MYO3A: variants seen among roughly 807,000 people sequenced by gnomAD.
MYO3A encodes myosin-IIIa.
MYO3A carries 180 observed loss-of-function variants against 192.7 expected under a neutral mutation model. That is an observed-to-expected ratio of 0.93 (90% CI 0.83 to 1.06). The LOEUF (loss-of-function observed/expected upper bound fraction) is 1.06, where lower values mean the gene tolerates loss of function less well. Ranked by LOEUF, MYO3A falls within the 50% of genes least tolerant of loss-of-function variation. MYO3A has a pLI of 0.00. For missense variants in MYO3A, 1,896 were observed against 1,905.0 expected (o/e 1.00, Z 0.09); for synonymous variants, 628 against 645.3 (o/e 0.97, Z 0.41).
Position 26,077,744 on chromosome 10 carries a change from A to G in MYO3A, c.1359+7343A>G, listed in dbSNP as rs548055500. Reference sequence around the variant, plus strand: ...TTTGTCAAATGCTTTTCCTGCATCTATTGAGATGATCTTGTGATTTTTGTT... The same window carrying G: ...TTTGTCAAATGCTTTTCCTGCATCTGTTGAGATGATCTTGTGATTTTTGTT... On this transcript the variant is annotated intron_variant, in intron 14 of 34. Transcript: ENST00000642920. Among the ~76,000 whole-genome samples, 9 of 152,220 alleles carry G rather than the reference A, an allele frequency of 5.9e-5. No homozygotes were observed. The East Asian group carries it at 1.7e-3, about 29-fold the overall frequency.
chr10:26,168,998 T>G, intron 28 of MYO3A, 124 bp downstream of exon 28: 1 of 909,412 alleles, frequency 1.1e-6, no homozygotes, highest in Non-Finnish European at 1.6e-6. Flanking sequence ...CTTGATACTT[T>G]TGCTATATTA....
At chr10:26,178,870 C>T (rs1056368275) in intron 31 of MYO3A, among the ~76,000 whole-genome samples, 5 of 151,656 alleles carry the variant, frequency 3.3e-5, no homozygotes, top group South Asian at 2.1e-4. Context: ...GGCGCGATCT[C>T]GACTCACTGC....
At chr10:26,200,136 C>G (rs1326273676) in intron 32 of MYO3A, among the ~76,000 whole-genome samples, 1 of 152,178 alleles carries the variant, frequency 6.6e-6, no homozygotes. Context: ...ATGGTCTCCT[C>G]CCAGACTTGA....
intron 10 of MYO3A, among the ~76,000 whole-genome samples, chr10:26,055,244 C>G (rs931980243): frequency 1.3e-5 from 2 of 152,124 alleles, no homozygotes. Flanking sequence ...AGTGCCCACA[C>G]CTTCATAAAG....
intron 10 of MYO3A, among the ~76,000 whole-genome samples, chr10:26,065,689 G>T (rs1167444275): frequency 6.6e-6 from 1 of 151,900 alleles, no homozygotes; most frequent in Non-Finnish European, 1.5e-5. Flanking sequence ...CTGGAAGTCA[G>T]GGGAGGCAGT....
chr10:26,008,307 C>T (rs961263928), intron 6 of MYO3A, among the ~76,000 whole-genome samples: 2 of 148,286 alleles, frequency 1.3e-5, no homozygotes, highest in Admixed American at 6.7e-5. Context: ...CATTACCATT[C>T]AGGACATAGG....
At position 26,093,936 on chromosome 10, in the gene MYO3A, G is replaced by A. The variant is rs924175333; in HGVS notation, c.1563-2445G>A. ...CTTCTCTAGTTATATAAGACCCCCCGACTCTCTCTTCACTCAGGGGAGAGT... is the reference window on the plus strand; with the variant it reads ...CTTCTCTAGTTATATAAGACCCCCCAACTCTCTCTTCACTCAGGGGAGAGT... On this transcript the variant is annotated intron_variant, in intron 15 of 34. Transcript: ENST00000642920. Among the ~76,000 whole-genome samples, 9 of 152,128 alleles carry A rather than the reference G, an allele frequency of 5.9e-5. No individual in the cohort carries two copies. The South Asian group carries it at 1.2e-3, about 21-fold the overall frequency.
In MYO3A at chr10:25,997,180, A is replaced by C. The variant is rs1247065457; in HGVS notation, c.430A>C (p.Asn144His). The change falls in exon 6 of 35, where the codon AAC becomes CAC. Residue 144 changes from asparagine (N) to histidine (H), a missense_variant. Transcript: ENST00000642920. ...CTAGGGACTTCAACATTTGCATAAC[A>C]ACAAAACTATCCACAGAGATGTGAA... ...ALMGLQHLHN[N>H]KTIHRDVKGN... 2 of 1,613,434 alleles carry C rather than the reference A, an allele frequency of 1.2e-6. No homozygotes were observed. Among genetic ancestry groups the C allele is most frequent in the African/African-American group, 2.7e-5 (2 of 75,040 alleles).
At chr10:26,093,584 C>A (rs916914061) in intron 15 of MYO3A, among the ~76,000 whole-genome samples, 2 of 152,116 alleles carry the variant, frequency 1.3e-5, no homozygotes, top group African/African-American at 2.4e-5. Flanking sequence ...CCTCTCCTAC[C>A]TCCCTGAATT....
At chr10:26,069,356 A>G (rs890434289) in intron 12 of MYO3A, among the ~76,000 whole-genome samples, 1 of 152,104 alleles carries the variant, frequency 6.6e-6, no homozygotes, top group Non-Finnish European at 1.5e-5. Flanking sequence ...TATCACAAAC[A>G]TGTTTTATGA....
At chr10:26,185,530 G>A (rs1285771914) in intron 31 of MYO3A, among the ~76,000 whole-genome samples, 1 of 151,490 alleles carries the variant, frequency 6.6e-6, no homozygotes, top group Non-Finnish European at 1.5e-5. Context: ...AGTAGAGATG[G>A]AGTTTCACCA....
intron 10 of MYO3A, among the ~76,000 whole-genome samples, chr10:26,030,512 G>A (rs1428151494): frequency 1.3e-5 from 2 of 152,030 alleles, no homozygotes; most frequent in African/African-American, 4.8e-5. Context: ...GACATACTCA[G>A]GCAAAAGAAA....
intron 10 of MYO3A, among the ~76,000 whole-genome samples, chr10:26,036,439 C>T (rs545697750): frequency 1.2e-4 from 19 of 152,154 alleles, no homozygotes; most frequent in Non-Finnish European, 2.4e-4. Flanking sequence ...ATGCCTATGA[C>T]GAGTTTTGGA....
chr10:26,041,436 T>C (rs775894749), intron 10 of MYO3A, among the ~76,000 whole-genome samples: 8 of 152,092 alleles, frequency 5.3e-5, no homozygotes, highest in Non-Finnish European at 1.0e-4. Flanking sequence ...TTATTATTGA[T>C]AAGTAAGGAA....
intron 31 of MYO3A, among the ~76,000 whole-genome samples, chr10:26,179,182 T>G (rs1319464895): frequency 1.5e-5 from 2 of 136,302 alleles, no homozygotes; most frequent in Non-Finnish European, 3.1e-5. Flanking sequence ...TGCTGGAACC[T>G]CTGCCTCCTG....
chr10:26,165,858 A>G (rs1298396959), intron 26 of MYO3A: 7 of 617,684 alleles, frequency 1.1e-5, no homozygotes, highest in Admixed American at 2.8e-5. Flanking sequence ...TGAAAACACA[A>G]TGCTCAAATT....
intron 31 of MYO3A, among the ~76,000 whole-genome samples, chr10:26,182,939 A>G (rs2132089753): frequency 6.7e-6 from 1 of 148,200 alleles, no homozygotes; most frequent in Admixed American, 6.8e-5. Flanking sequence ...GACTGCTCAC[A>G]TATAAGCGAG....
At chr10:26,051,946 T>C (rs530480832) in intron 10 of MYO3A, among the ~76,000 whole-genome samples, 22 of 152,284 alleles carry the variant, frequency 1.4e-4, no homozygotes, top group African/African-American at 5.1e-4. Flanking sequence ...TAAGAAATCT[T>C]CATTATGGTA....
intron 6 of MYO3A, among the ~76,000 whole-genome samples, chr10:26,006,062 A>G (rs117961008): frequency 4.4e-4 from 67 of 152,168 alleles, no homozygotes; most frequent in Non-Finnish European, 8.2e-4. Flanking sequence ...GCTATTTAAC[A>G]TTATAGAAAC....
Sources: allele counts gnomAD v4.1 joint callset (sites outside exome capture counted in the v4.1 genomes callset), GRCh38; gene constraint gnomAD v4.1.1; transcripts MANE v1.5; gene names NCBI Gene and HGNC (gene_info 2026-07-23, HGNC 2026-07-21).